UBE2E2: variants seen among roughly 807,000 people sequenced by gnomAD.
UBE2E2 encodes ubiquitin conjugating enzyme E2 E2, also known as ubiquitin-conjugating enzyme E2 E2.
Under a neutral mutation model 24.7 loss-of-function variants are expected in UBE2E2, and 6 were observed. The observed-to-expected ratio is 0.24, with a 90% CI of 0.13 to 0.48. UBE2E2 has a LOEUF of 0.48. Among genes scored for constraint, UBE2E2 ranks in the 20% least tolerant of loss-of-function variants. The probability of loss-of-function intolerance (pLI) is 0.99; values close to 1 mark genes in which losing one functional copy is unlikely to be tolerated. For synonymous variants in UBE2E2, 104 were observed against 83.6 expected, an observed-to-expected ratio of 1.24 and a Z score of -1.33; for missense variants, 169 against 245.0, an observed-to-expected ratio of 0.69 and a Z score of 2.07.
intron 5 of UBE2E2, among the ~76,000 whole-genome samples, chr3:23,588,865 T>A (rs1696692976): frequency 6.6e-6 from 1 of 152,182 alleles, no homozygotes; most frequent in East Asian, 1.9e-4. Context: ...TTAACATCTA[T>A]TAGTATTTTT....
chr3:23,354,820 G>T lies in UBE2E2; in HGVS notation c.227+137508G>T, dbSNP rs534969724. Reference sequence around the variant, plus strand: ...TTCAACCATTGTGGAAGACAGTGTGGCAATTCCTCAGGGATCTAGAACTAG... The same window carrying T: ...TTCAACCATTGTGGAAGACAGTGTGTCAATTCCTCAGGGATCTAGAACTAG... On this transcript the variant is annotated intron_variant, in intron 3 of 5. Coordinates refer to ENST00000396703, the MANE Select transcript of UBE2E2 (RefSeq NM_152653.4). 5.3e-5 allele frequency among the ~76,000 whole-genome samples: 8 copies of T among 152,312 alleles called. No homozygotes were observed. In the South Asian group the frequency reaches 1.4e-3, roughly 28 times the overall value.
chr3:23,229,650 T>C (rs922716375), intron 3 of UBE2E2, among the ~76,000 whole-genome samples: 6 of 152,236 alleles, frequency 3.9e-5, no homozygotes, highest in Admixed American at 3.9e-4. Context: ...TCAAGTGTTT[T>C]GAGGTCTTGC....
At chr3:23,473,939 C>T (rs1213147128) in intron 3 of UBE2E2, among the ~76,000 whole-genome samples, 1 of 152,018 alleles carries the variant, frequency 6.6e-6, no homozygotes, top group African/African-American at 2.4e-5. Flanking sequence ...ATTGCTGGAT[C>T]AAATGGTAGT....
intron 3 of UBE2E2, among the ~76,000 whole-genome samples, chr3:23,365,358 C>G (rs765568712): frequency 4.6e-5 from 7 of 152,120 alleles, no homozygotes; most frequent in Non-Finnish European, 7.4e-5. Flanking sequence ...GGTTCTATAA[C>G]TAGAAAACCC....
chr3:23,515,583 C>T (rs745598324), intron 4 of UBE2E2, among the ~76,000 whole-genome samples: 3 of 152,096 alleles, frequency 2.0e-5, no homozygotes, highest in Non-Finnish European at 4.4e-5. Flanking sequence ...GTATAACCAG[C>T]ATATACTCCC....
chr3:23,411,535 A>C (rs922297479), intron 3 of UBE2E2, among the ~76,000 whole-genome samples: 5 of 152,180 alleles, frequency 3.3e-5, no homozygotes, highest in Non-Finnish European at 5.9e-5. Context: ...ACCTCCTGAG[A>C]GGAGCGAGGA....
At chr3:23,573,067 G>C (rs973768333) in intron 5 of UBE2E2, among the ~76,000 whole-genome samples, 2 of 152,128 alleles carry the variant, frequency 1.3e-5, no homozygotes, top group Non-Finnish European at 2.9e-5. Context: ...AATGAGGTAC[G>C]ATGAGGACTT....
intron 3 of UBE2E2, among the ~76,000 whole-genome samples, chr3:23,332,179 G>A (rs1281199640): frequency 4.0e-5 from 6 of 151,794 alleles, no homozygotes; most frequent in East Asian, 1.9e-4. Flanking sequence ...ATGGGGTTTC[G>A]GTCGCCCAGG....
chr3:23,496,375 A>C (rs76077837), intron 3 of UBE2E2, among the ~76,000 whole-genome samples: 1 of 152,132 alleles, frequency 6.6e-6, no homozygotes, highest in Non-Finnish European at 1.5e-5. Context: ...ACCCAGAACC[A>C]TTGAAACTCC....
chr3:23,385,656 G>A (rs374103960), intron 3 of UBE2E2, among the ~76,000 whole-genome samples: 1 of 152,168 alleles, frequency 6.6e-6, no homozygotes, highest in Non-Finnish European at 1.5e-5. Flanking sequence ...TTTAAGTTCT[G>A]TTTTGATCAG....
chr3:23,223,014 G>GCCC (rs368747645), intron 3 of UBE2E2, among the ~76,000 whole-genome samples: 18 of 65,546 alleles, frequency 2.7e-4, no homozygotes, highest in African/African-American at 8.8e-4. Flanking sequence ...TACATCTTTT[G>GCCC]CCCCCCCCCC....
At chr3:23,225,873 G>GT (rs10717256) in intron 3 of UBE2E2, among the ~76,000 whole-genome samples, 257 of 146,538 alleles carry the variant, frequency 1.8e-3, no homozygotes, top group Admixed American at 4.3e-3. Context: ...AGAAGAAAGT[G>GT]TTTTTTTTTT....
intron 3 of UBE2E2, among the ~76,000 whole-genome samples, chr3:23,324,040 C>G (rs1694819681): frequency 6.6e-6 from 1 of 152,086 alleles, no homozygotes. Flanking sequence ...ACTGTATAAG[C>G]CAAACATTGT....
At chr3:23,253,278 C>A (rs928519675) in intron 3 of UBE2E2, among the ~76,000 whole-genome samples, 1 of 152,240 alleles carries the variant, frequency 6.6e-6, no homozygotes, top group African/African-American at 2.4e-5. Flanking sequence ...AAGCAAACAA[C>A]AAACTGGAAA....
At chr3:23,278,093 G>A (rs900983781) in intron 3 of UBE2E2, among the ~76,000 whole-genome samples, 2 of 152,068 alleles carry the variant, frequency 1.3e-5, no homozygotes, top group Non-Finnish European at 2.9e-5. Context: ...GAAAAGGTAT[G>A]CAAATAGAAT....
intron 3 of UBE2E2, among the ~76,000 whole-genome samples, chr3:23,399,710 A>G (rs766764191): frequency 6.6e-5 from 10 of 152,238 alleles, no homozygotes; most frequent in African/African-American, 2.4e-4. Context: ...AACATTTAGC[A>G]TGTAACCAAT....
chr3:23,433,536 T>G (rs1036865885), intron 3 of UBE2E2, among the ~76,000 whole-genome samples: 3 of 152,040 alleles, frequency 2.0e-5, no homozygotes, highest in African/African-American at 7.2e-5. Context: ...ACTAAGTACA[T>G]TGACGCAGAT....
chr3:23,383,479 T>C (rs904823189), intron 3 of UBE2E2, among the ~76,000 whole-genome samples: 1 of 152,170 alleles, frequency 6.6e-6, no homozygotes, highest in African/African-American at 2.4e-5. Flanking sequence ...CCCCCTTTTT[T>C]TTTTTCTGTT....
chr3:23,259,227 G>A (rs1697831647), intron 3 of UBE2E2, among the ~76,000 whole-genome samples: 2 of 152,220 alleles, frequency 1.3e-5, no homozygotes, highest in Middle Eastern at 6.8e-3. Flanking sequence ...TTGTATATGT[G>A]TGTGTGCGTT....
Sources: gnomAD v4.1 joint callset for allele counts (sites outside exome capture counted in the v4.1 genomes callset) on GRCh38, gnomAD v4.1.1 for gene constraint, MANE v1.5 for transcripts, NCBI Gene and HGNC (gene_info 2026-07-23, HGNC 2026-07-21) for gene names.